The following GTF3C2 variants were observed in gnomAD, a reference collection of about 807,000 sequenced individuals.
The protein encoded by GTF3C2 is general transcription factor IIIC subunit 2.
GTF3C2 carries 17 observed loss-of-function variants against 117.4 expected under a neutral mutation model. The observed-to-expected ratio is 0.14, with a 90% CI of 0.10 to 0.22. The LOEUF (loss-of-function observed/expected upper bound fraction) is 0.22. Among genes scored for constraint, GTF3C2 ranks in the 10% least tolerant of loss-of-function variants. The probability of loss-of-function intolerance (pLI) is 1.00; values close to 1 mark genes in which losing one functional copy is unlikely to be tolerated. For missense variants in GTF3C2, 888 were observed against 1,143.6 expected, an observed-to-expected ratio of 0.78 and a Z score of 3.22; for synonymous variants, 437 against 427.0, an observed-to-expected ratio of 1.02 and a Z score of -0.29.
rs534691588 is a variant in GTF3C2, at chr2:27,328,322, G to A, written c.2257-133C>T. On this transcript the variant is annotated intron_variant, in intron 16 of 18. Coordinates refer to ENST00000264720, the Ensembl canonical transcript of GTF3C2. The stretch of plus-strand genomic sequence containing the variant: ...TTAAATATATGCTCAGATGCAGTAC[G>A]GTAGGGAAGATTATATACAACTCTG... 1.3e-4 allele frequency: 129 copies of A among 1,027,420 alleles called. No homozygotes were observed. The African/African-American group carries it at 1.7e-3, about 14-fold the overall frequency. 63.6% of individuals were successfully genotyped at this position (1,027,420 alleles called of 1,614,324 possible).
Position 27,329,638 on chromosome 2 carries a change from T to G in GTF3C2, c.1733-115A>C. The G allele has an allele frequency of 1.1e-6, 1 of 940,572 alleles. No homozygotes were observed. Among genetic ancestry groups the G allele is most frequent in the Non-Finnish European group, 1.6e-6 (1 of 613,648 alleles). 58.3% of individuals were successfully genotyped at this position (940,572 alleles called of 1,614,324 possible). Reference sequence around the variant, plus strand: ...TTCTACCCTCAGATCCAAACCACTATGAAAGGATGTGGGGATCCTGATTAG... The same window carrying G: ...TTCTACCCTCAGATCCAAACCACTAGGAAAGGATGTGGGGATCCTGATTAG... On this transcript the variant is annotated intron_variant, in intron 12 of 18. Coordinates refer to ENST00000264720, the Ensembl canonical transcript of GTF3C2. This position sits in a 1 kb window ranked among gnomAD's most constrained non-coding sequence, Gnocchi z 4.5.
chr2:27,356,037 G>A lies in GTF3C2; in HGVS notation c.-25+702C>T, dbSNP rs1681362598. The A allele has an allele frequency of 6.0e-6, 7 of 1,160,374 alleles. No individual in the cohort carries two copies. In the Admixed American group the frequency reaches 1.2e-4, roughly 19 times the overall value. The allele number at this position is 1,160,374 out of a possible 1,614,324, so 71.9% of individuals were successfully genotyped here. ...GATTGCAAAAATAGTGATGGCACGGGATTGACTTAAAATTGTATATGCCTC... is the reference window on the plus strand; with the variant it reads ...GATTGCAAAAATAGTGATGGCACGGAATTGACTTAAAATTGTATATGCCTC... On this transcript the variant is annotated intron_variant, in intron 1 of 18. Coordinates refer to ENST00000264720, the Ensembl canonical transcript of GTF3C2.
intron 1 of GTF3C2, among the ~76,000 whole-genome samples, chr2:27,349,934 C>T (rs1157173878): frequency 6.6e-6 from 1 of 152,002 alleles, no homozygotes; most frequent in Non-Finnish European, 1.5e-5. Flanking sequence ...GCCACTGTGC[C>T]CAGCCCAAAA....
chr2:27,339,579 C>T (rs1410404505), intron 4 of GTF3C2: 1 of 151,930 alleles, frequency 6.6e-6, no homozygotes, highest in Non-Finnish European at 1.5e-5. Flanking sequence ...TCTGTTATCC[C>T]TTAGATGTTG....
intron 4 of GTF3C2, chr2:27,340,549 G>C (rs1367435161): frequency 1.3e-5 from 2 of 151,480 alleles, no homozygotes; most frequent in Non-Finnish European, 2.9e-5. Flanking sequence ...CATATCTCTT[G>C]AATCTGCCCC....
chr2:27,334,368 T>C (rs1680382975), intron 10 of GTF3C2, among the ~76,000 whole-genome samples: 1 of 152,180 alleles, frequency 6.6e-6, no homozygotes, highest in Non-Finnish European at 1.5e-5. Flanking sequence ...TCTTTCCTTC[T>C]GTTACACCTG....
intron 1 of GTF3C2, 57 bp downstream of exon 1, chr2:27,356,682 G>C (rs1033288867): frequency 6.5e-6 from 1 of 153,200 alleles, no homozygotes; most frequent in African/African-American, 2.4e-5. Context: ...TATGGCAAAA[G>C]AAGGGGGAGG....
At chr2:27,326,641 C>A (rs1473934646) in exon 19 of GTF3C2, 1 of 1,523,104 alleles carries the variant, frequency 6.6e-7, no homozygotes, top group African/African-American at 1.4e-5. Flanking sequence ...TGTTCTTGAC[C>A]GACTTCACTC....
At chr2:27,340,443 A>G (rs1680687355) in intron 4 of GTF3C2, 1 of 151,922 alleles carries the variant, frequency 6.6e-6, no homozygotes, top group African/African-American at 2.4e-5. Flanking sequence ...TATGTTGGCC[A>G]AGCTGGTCTC....
At chr2:27,350,548 T>G (rs1266291634) in intron 1 of GTF3C2, 1 of 978,098 alleles carries the variant, frequency 1.0e-6, no homozygotes, top group Non-Finnish European at 1.2e-6. Context: ...GCCTGTAATC[T>G]CAACACTTTG....
rs376505721 is a variant in GTF3C2 at position 27,326,700 on chromosome 2, C to A, written c.2711G>T (p.Ser904Ile). The A allele has an allele frequency of 9.3e-6, 15 of 1,613,824 alleles. No homozygotes were observed. In the African/African-American group the frequency reaches 2.0e-4, roughly 22 times the overall value. The change falls in exon 19 of 19, where the codon AGC (serine) becomes ATC (isoleucine). Residue 904 changes from serine (S) to isoleucine (I), a missense_variant. Around this residue, in one of 7 missense-constraint regions of GTF3C2, gnomAD observed 53 missense variants for 43.6 expected, o/e 1.22. Transcript: ENST00000264720. ...CTAGGGAGTGGGCAGAAGGCGATGGCTGGTTGGAGAGAAGCCAGGCCGTCT... is the reference window on the plus strand; with the variant it reads ...CTAGGGAGTGGGCAGAAGGCGATGGATGGTTGGAGAGAAGCCAGGCCGTCT...
intron 9 of GTF3C2, 91 bp from the exon 10 acceptor site, chr2:27,335,797 T>C (rs547021778): frequency 6.4e-6 from 7 of 1,094,340 alleles, no homozygotes; most frequent in Middle Eastern, 3.9e-4. Flanking sequence ...CTGTATGAAG[T>C]TGCTGGAAAA....
intron 1 of GTF3C2, among the ~76,000 whole-genome samples, chr2:27,350,116 AAAAT>A (rs1681076833): frequency 1.3e-5 from 2 of 152,168 alleles, no homozygotes; most frequent in South Asian, 2.1e-4. Context: ...AGATATAAAT[AAAAT>A]AAATATTCCC....
exon 3 of GTF3C2, chr2:27,342,909 C>A (rs954534855): frequency 6.2e-7 from 1 of 1,614,028 alleles, no homozygotes; most frequent in Non-Finnish European, 8.5e-7. Flanking sequence ...GAGATTCTGG[C>A]CGATCTAGGT....
chr2:27,347,230 G>A (rs901077926), intron 1 of GTF3C2, among the ~76,000 whole-genome samples: 3 of 152,010 alleles, frequency 2.0e-5, no homozygotes, highest in Non-Finnish European at 4.4e-5. Context: ...ATGGGACCCC[G>A]CCCCCCACAG....
intron 10 of GTF3C2, chr2:27,335,230 A>C: frequency 2.1e-6 from 1 of 486,018 alleles, no homozygotes; most frequent in South Asian, 1.5e-5. Context: ...AGGGCAGGAG[A>C]GGCTAAGAAC....
intron 12 of GTF3C2, 33 bp downstream of exon 12, chr2:27,333,622 A>G: frequency 2.6e-6 from 4 of 1,517,402 alleles, no homozygotes; most frequent in Non-Finnish European, 3.6e-6. Context: ...TTAAAGAGCA[A>G]TAGTTCCTTA....
chr2:27,333,517 A>AT (rs375899425), intron 12 of GTF3C2, 138 bp downstream of exon 12: 22,125 of 497,574 alleles, frequency 0.044, 19 homozygotes, highest in East Asian at 0.055. Flanking sequence ...ATTTCTTTCT[A>AT]TTTTTTTTTT....
chr2:27,345,698 T>C (rs10205219), intron 1 of GTF3C2, among the ~76,000 whole-genome samples: 69,151 of 151,520 alleles, frequency 0.46, 16,946 homozygotes, highest in African/African-American at 0.63. Flanking sequence ...CATCCTATTA[T>C]GTTAAGAAAG....
Sources: gnomAD v4.1 joint callset for allele counts (sites outside exome capture counted in the v4.1 genomes callset) on GRCh38, gnomAD v4.1.1 for gene constraint, gnomAD v4.1.1 regional missense constraint, Gnocchi (gnomAD v3.1) non-coding constraint, MANE v1.5 for transcripts, NCBI Gene and HGNC (gene_info 2026-07-23, HGNC 2026-07-21) for gene names.